The following GPR135 variants were observed in gnomAD, a reference collection of about 807,000 sequenced individuals.
GPR135 encodes the protein G-protein coupled receptor 135.
GPR135 carries 17 observed loss-of-function variants against 15.0 expected under a neutral mutation model. The observed-to-expected ratio is 1.13, with a 90% confidence interval of 0.78 to 1.70. The LOEUF is 1.70. GPR135 is among the 40% of genes most tolerant of loss of function. The pLI is 0.00. For missense variants in GPR135, 776 were observed against 727.0 expected, an observed-to-expected ratio of 1.07 and a Z score of -0.78; for synonymous variants, 368 against 349.4, an observed-to-expected ratio of 1.05 and a Z score of -0.59.
At position 59,464,893 on chromosome 14, in the gene GPR135, G is replaced by T; in HGVS notation, c.334C>A (p.Leu112Ile). 1 of 1,605,472 alleles carries T rather than the reference G, an allele frequency of 6.2e-7. No homozygotes were observed. Among genetic ancestry groups the T allele is most frequent in the Non-Finnish European group, 8.5e-7 (1 of 1,176,988 alleles). Residue 112 changes from leucine (L) to isoleucine (I), a missense_variant, in exon 1 of 1, where the codon CTC becomes ATC. Leu to Ile is a conservative substitution (Grantham distance 5). Coordinates refer to ENST00000395116, the MANE Select transcript of GPR135 (RefSeq NM_022571.6). ...CCAAGGCTAGACAGCAGGAAGATGA[G>T]CAGGAGGACGAGCGCCTGGGCCGCC... ...AVAAQALVLL[L>I]IFLLSSLGNC...
At chr14:59,453,970 G>T (rs1206746161) in intron 6 of GPR135, among the ~76,000 whole-genome samples, 2 of 152,270 alleles carry the variant, frequency 1.3e-5, no homozygotes, top group East Asian at 1.9e-4. Context: ...TGAACACCAG[G>T]ACAAGAACAT....
chr14:59,453,545 T>C (rs983926341), intron 6 of GPR135, among the ~76,000 whole-genome samples: 1 of 152,144 alleles, frequency 6.6e-6, no homozygotes, highest in East Asian at 1.9e-4. Context: ...ACAGAGACCA[T>C]AGGAATAGAC....
rs1888952448 is a variant in GPR135 at position 59,463,675 on chromosome 14, C to G, written c.*67G>C. ...CTTTATGAAATCCACAACTCTCCCC[C>G]AGAATCTTCCATCATTAAATAATGC... On this transcript the variant is annotated 3_prime_UTR_variant, in exon 1 of 1. Transcript: ENST00000395116. 7.0e-7 allele frequency: 1 copy of G among 1,422,634 alleles called. No individual in the cohort carries two copies. The highest frequency in any genetic ancestry group is 9.5e-7 in the Non-Finnish European group (1 of 1,055,452). The allele number at this position is 1,422,634 out of a possible 1,614,324, so 88.1% of individuals were successfully genotyped here. A position where few individuals can be genotyped will look rare whatever the true frequency, so the allele number is the denominator to read the frequency against.
In GPR135 at chr14:59,465,265, C is replaced by CG. The variant is rs1329583672; in HGVS notation, c.-40dup. 2 of 1,190,496 alleles carry CG rather than the reference C, an allele frequency of 1.7e-6. No homozygotes were observed. Among genetic ancestry groups the CG allele is most frequent in the Admixed American group, 4.5e-5 (1 of 22,316 alleles). The allele number at this position is 1,190,496 out of a possible 1,614,324, so 73.7% of individuals were successfully genotyped here. A position where few individuals can be genotyped will look rare whatever the true frequency, so the allele number is the denominator to read the frequency against. ...GGCCGCGGATCTCCTCATCCCGCAC[C>CG]GGGGGCGGCGGCCGCTAGGTCGGAG... On this transcript the variant is annotated 5_prime_UTR_variant, in exon 1 of 1. Coordinates refer to ENST00000395116, the MANE Select transcript of GPR135 (RefSeq NM_022571.6).
Position 59,464,364 on chromosome 14 carries a change from A to G in GPR135, c.863T>C (p.Leu288Pro). 1 of 1,607,232 alleles carries G rather than the reference A, an allele frequency of 6.2e-7. No individual in the cohort carries two copies. Among genetic ancestry groups the G allele is most frequent in the Non-Finnish European group, 8.5e-7 (1 of 1,177,314 alleles). Residue 288 changes from leucine (L) to proline (P), a missense_variant, in exon 1 of 1, where the codon CTG becomes CCG. Physicochemically the swap from Leu to Pro is moderately conservative, Grantham distance 98. Coordinates refer to ENST00000395116, the MANE Select transcript of GPR135 (RefSeq NM_022571.6). ...GCAGAAGCACATGAGCAGGAAGGGC[A>G]GCAGGTAGCAGGCCACCACCAGCCC... is the stretch of plus-strand genomic sequence containing the variant. ...SVGLVVACYL[L>P]PFLLMCFCHY... is the part of the protein sequence containing the mutation.
chr14:59,456,281 GAAAA>G, downstream of GPR135, among the ~76,000 whole-genome samples: 1 of 152,276 alleles, frequency 6.6e-6, no homozygotes, highest in African/African-American at 2.4e-5. Flanking sequence ...TAAGGGGAAA[GAAAA>G]TTAGTTTATA....
rs1481904664 is a variant in GPR135, at chr14:59,464,357, G to C, written c.870C>G (p.Phe290Leu). The C allele has an allele frequency of 6.2e-7, 1 of 1,608,736 alleles. No homozygotes were observed. The highest frequency in any genetic ancestry group is 8.5e-7 in the Non-Finnish European group (1 of 1,177,878). The change falls in exon 1 of 1, where the codon TTC (phenylalanine) becomes TTG (leucine). Residue 290 changes from phenylalanine to leucine, a missense_variant. Physicochemically the swap from Phe to Leu is conservative, Grantham distance 22. Transcript: ENST00000395116. ...GLVVACYLLP[F>L]LLMCFCHYHI... is the part of the protein sequence containing the mutation. ...GGTAGTGGCAGAAGCACATGAGCAGGAAGGGCAGCAGGTAGCAGGCCACCA... is the reference window on the plus strand; with the variant it reads ...GGTAGTGGCAGAAGCACATGAGCAGCAAGGGCAGCAGGTAGCAGGCCACCA...
downstream of GPR135, among the ~76,000 whole-genome samples, chr14:59,456,125 C>A (rs1007645260): frequency 4.4e-4 from 67 of 152,234 alleles, no homozygotes; most frequent in African/African-American, 1.6e-3. Flanking sequence ...ATGAAACCTG[C>A]AAGTCCAGGA....
At chr14:59,455,228 T>C (rs1330644557) in intron 6 of GPR135, among the ~76,000 whole-genome samples, 1 of 152,206 alleles carries the variant, frequency 6.6e-6, no homozygotes, top group Non-Finnish European at 1.5e-5. Context: ...AAAGGCTGCA[T>C]GAGCCACTAA....
In GPR135 at chr14:59,464,025, T is replaced by C. The variant is rs965014120; in HGVS notation, c.1202A>G (p.Asn401Ser). ...CCTAGTCCGGTAGCCCTCCTCGCGGTTGCGCCCTAGGAGCATCGAAATGTT... is the reference window on the plus strand; with the variant it reads ...CCTAGTCCGGTAGCCCTCCTCGCGGCTGCGCCCTAGGAGCATCGAAATGTT... ...NPNISMLLGRNREEGYRTRNV... is the reference protein window; with the variant it reads ...NPNISMLLGRSREEGYRTRNV... Residue 401 changes from asparagine (N) to serine (S), a missense_variant, in exon 1 of 1, where the codon AAC becomes AGC. Coordinates refer to ENST00000395116, the MANE Select transcript of GPR135 (RefSeq NM_022571.6). 2.5e-6 allele frequency: 4 copies of C among 1,613,922 alleles called. No homozygotes were observed. The highest frequency in any genetic ancestry group is 2.5e-6 in the Non-Finnish European group (3 of 1,180,022).
Position 59,464,432 on chromosome 14 carries a change from C to T in GPR135, c.795G>A (p.Arg265=), listed in dbSNP as rs758006732. 5.7e-6 allele frequency: 9 copies of T among 1,573,666 alleles called. No homozygotes were observed. The South Asian group carries it at 8.0e-5, about 14-fold the overall frequency. ...AAQSFHGCLY[R]TSPDPAQLGA... The stretch of plus-strand genomic sequence containing the variant: ...CCAGCTGCGCGGGGTCCGGGGAGGT[C>T]CGGTAGAGGCAGCCGTGGAAGCTCT... The change falls in exon 1 of 1, where the codon CGG becomes CGA. Residue 265 remains arginine (R), a synonymous_variant. Coordinates refer to ENST00000395116, the MANE Select transcript of GPR135 (RefSeq NM_022571.6).
At position 59,464,836 on chromosome 14, in the gene GPR135, G is replaced by A; in HGVS notation, c.391C>T (p.His131Tyr). The change falls in exon 1 of 1, where the codon CAC becomes TAC. Residue 131 changes from histidine (H) to tyrosine (Y), a missense_variant. By Grantham distance (83) the His-to-Tyr change is moderately conservative (BLOSUM62 2). Coordinates refer to ENST00000395116, the MANE Select transcript of GPR135 (RefSeq NM_022571.6). Reference protein sequence around the residue: ...NCAVMGVIVKHRQLRTVTNAF... With the variant: ...NCAVMGVIVKYRQLRTVTNAF... ...TTGGTGACGGTGCGGAGCTGCCGGTGCTTCACAATCACCCCCATCACCGCG... is the reference window on the plus strand; with the variant it reads ...TTGGTGACGGTGCGGAGCTGCCGGTACTTCACAATCACCCCCATCACCGCG... 6.3e-7 allele frequency: 1 copy of A among 1,597,660 alleles called. No individual in the cohort carries two copies. The highest frequency in any genetic ancestry group is 1.1e-5 in the South Asian group (1 of 88,074).
intron 6 of GPR135, among the ~76,000 whole-genome samples, chr14:59,454,036 T>C (rs576566305): frequency 2.4e-4 from 36 of 152,200 alleles, no homozygotes; most frequent in Non-Finnish European, 4.3e-4. Flanking sequence ...GAGTTTCAAC[T>C]TGATTGGATT....
Position 59,463,695 on chromosome 14 carries a change from T to TA in GPR135, c.*46dup, listed in dbSNP as rs765516681. Reference sequence around the variant, plus strand: ...TCCCCCAGAATCTTCCATCATTAAATAATGCGAGTGGAAATTTGCCTTCAT... The same window carrying TA: ...TCCCCCAGAATCTTCCATCATTAAATAAATGCGAGTGGAAATTTGCCTTCAT... On this transcript the variant is annotated 3_prime_UTR_variant, in exon 1 of 1. Transcript: ENST00000395116. 51 of 1,496,242 alleles carry TA rather than the reference T, an allele frequency of 3.4e-5. No individual in the cohort carries two copies. The highest frequency in any genetic ancestry group is 4.4e-5 in the Non-Finnish European group (49 of 1,113,612). The allele number at this position is 1,496,242 out of a possible 1,614,324, so 92.7% of individuals were successfully genotyped here. A position where few individuals can be genotyped will look rare whatever the true frequency, so the allele number is the denominator to read the frequency against.
In GPR135 at chr14:59,464,505, G is replaced by C; in HGVS notation, c.722C>G (p.Ser241Cys). The part of the protein sequence containing the change: ...AGAWLTALGF[S>C]LPWELLGAPR... ...CGCCCCGAGCAGCTCCCAGGGCAAGGAGAAGCCCAGGGCCGTCAGCCAGGC... is the reference window on the plus strand; with the variant it reads ...CGCCCCGAGCAGCTCCCAGGGCAAGCAGAAGCCCAGGGCCGTCAGCCAGGC... Residue 241 changes from serine (S) to cysteine (C), a missense_variant, in exon 1 of 1, where the codon TCC (serine) becomes TGC (cysteine). Coordinates refer to ENST00000395116, the MANE Select transcript of GPR135 (RefSeq NM_022571.6). 1 of 1,543,616 alleles carries C rather than the reference G, an allele frequency of 6.5e-7. No individual in the cohort carries two copies. The highest frequency in any genetic ancestry group is 8.7e-7 in the Non-Finnish European group (1 of 1,152,082).
chr14:59,456,047 C>T (rs539094602), downstream of GPR135, among the ~76,000 whole-genome samples: 1 of 152,254 alleles, frequency 6.6e-6, no homozygotes, highest in African/African-American at 2.4e-5. Context: ...CTTATTCTCC[C>T]TTTTCTCTTT....
chr14:59,457,458 T>G (rs1395359277), downstream of GPR135, among the ~76,000 whole-genome samples: 1 of 152,166 alleles, frequency 6.6e-6, no homozygotes, highest in Non-Finnish European at 1.5e-5. Flanking sequence ...CATATATTAA[T>G]GCACTTAATG....
In GPR135 at chr14:59,463,619, G is replaced by T; in HGVS notation, c.*123C>A. On this transcript the variant is annotated 3_prime_UTR_variant, in exon 1 of 1. Coordinates refer to ENST00000395116, the MANE Select transcript of GPR135 (RefSeq NM_022571.6). ...TTATGTTGTTTGGGGAAAGTGGTAA[G>T]CCTCCCCCGTCTCTAGCTTTAAATG... 1 of 918,910 alleles carries T rather than the reference G, an allele frequency of 1.1e-6. No individual in the cohort carries two copies. The highest frequency in any genetic ancestry group is 1.6e-6 in the Non-Finnish European group (1 of 623,690). 56.9% of individuals were successfully genotyped at this position (918,910 alleles called of 1,614,324 possible). A position where few individuals can be genotyped will look rare whatever the true frequency, so the allele number is the denominator to read the frequency against.
rs375725206 is a variant in GPR135, at chr14:59,464,707, C to G, written c.520G>C (p.Ala174Pro). ...CCGCGCCAGGGCCCCGCGGCGGCGG[C>G]AGGCGCCGAACCCCCGGGCGGAGTG... ...LFTPPGGSAPAAAAGPWRGFC... is the reference protein window; with the variant it reads ...LFTPPGGSAPPAAAGPWRGFC... Residue 174 changes from alanine to proline, a missense_variant, in exon 1 of 1, where the codon GCC becomes CCC. Transcript: ENST00000395116. The G allele has an allele frequency of 3.8e-6, 6 of 1,568,464 alleles. No individual in the cohort carries two copies. Among genetic ancestry groups the G allele is most frequent in the Middle Eastern group, 3.4e-4 (2 of 5,930 alleles).
Sources: allele counts gnomAD v4.1 joint callset (sites outside exome capture counted in the v4.1 genomes callset), GRCh38; gene constraint gnomAD v4.1.1; transcripts MANE v1.5; gene names NCBI Gene and HGNC (gene_info 2026-07-23, HGNC 2026-07-21).